SUMF1: variants seen among roughly 807,000 people sequenced by gnomAD.
The protein encoded by SUMF1 is sulfatase modifying factor 1, also known as formylglycine-generating enzyme.
Under a neutral mutation model 47.6 loss-of-function variants are expected in SUMF1, and 48 were observed. The observed-to-expected ratio is 1.01, with a 90% CI of 0.80 to 1.28. The LOEUF is 1.28. Ranked by LOEUF, SUMF1 falls within the 50% of genes most tolerant of loss-of-function variation. The pLI is 0.00. For synonymous variants in SUMF1, 230 were observed against 192.1 expected, an observed-to-expected ratio of 1.20 and a Z score of -1.63; for missense variants, 571 against 485.4, an observed-to-expected ratio of 1.18 and a Z score of -1.66.
At chr3:4,404,206 A>G (rs944994015) in intron 7 of SUMF1, among the ~76,000 whole-genome samples, 4 of 152,230 alleles carry the variant, frequency 2.6e-5, no homozygotes, top group African/African-American at 9.6e-5. Context: ...ATGAGTAAAC[A>G]TTAGTACTTC....
At position 4,452,897 on chromosome 3, in the gene SUMF1, G is replaced by C; in HGVS notation, c.423C>G (p.Asn141Lys). ...VSNTEFEKFV[N>K]STGYLTEAEK... ...TTACCTCTGTCAAATAGCCAGTTGAGTTCACAAACTTCTCAAATTCAGTAT... is the reference window on the plus strand; with the variant it reads ...TTACCTCTGTCAAATAGCCAGTTGACTTCACAAACTTCTCAAATTCAGTAT... Residue 141 changes from asparagine to lysine, a missense_variant, in exon 2 of 9, where the codon AAC becomes AAG. Coordinates refer to ENST00000272902, the MANE Select transcript of SUMF1 (RefSeq NM_182760.4). 2 of 1,614,166 alleles carry C rather than the reference G, an allele frequency of 1.2e-6. No homozygotes were observed. Among genetic ancestry groups the C allele is most frequent in the Non-Finnish European group, 1.7e-6 (2 of 1,180,042 alleles).
chr3:4,223,743 G>C (rs1334438157), intron 8 of SUMF1, among the ~76,000 whole-genome samples: 1 of 152,064 alleles, frequency 6.6e-6, no homozygotes, highest in Non-Finnish European at 1.5e-5. Flanking sequence ...ATTATGTGTT[G>C]GGAAGGTGGT....
chr3:4,347,692 G>A (rs955435818), intron 8 of SUMF1, among the ~76,000 whole-genome samples: 2 of 152,176 alleles, frequency 1.3e-5, no homozygotes, highest in Admixed American at 6.5e-5. Context: ...TGGCAATCAG[G>A]CAAGAGAAAG....
chr3:4,106,532 C>T (rs1033795621), intron 8 of SUMF1, among the ~76,000 whole-genome samples: 4 of 152,036 alleles, frequency 2.6e-5, no homozygotes, highest in Non-Finnish European at 5.9e-5. Context: ...ATAGGAAATT[C>T]CAACTGTTTG....
intron 8 of SUMF1, among the ~76,000 whole-genome samples, chr3:4,201,178 C>A (rs535238212): frequency 2.6e-5 from 4 of 151,922 alleles, no homozygotes; most frequent in Non-Finnish European, 5.9e-5. Context: ...CTAAAATGTA[C>A]AACAAACTGC....
At chr3:4,107,970 G>C (rs1203993067) in intron 8 of SUMF1, among the ~76,000 whole-genome samples, 2 of 151,986 alleles carry the variant, frequency 1.3e-5, no homozygotes, top group African/African-American at 4.8e-5. Flanking sequence ...GAGATAAGGA[G>C]GTCAGGAAAG....
intron 8 of SUMF1, among the ~76,000 whole-genome samples, chr3:4,070,074 T>G (rs1471121933): frequency 2.6e-5 from 4 of 152,142 alleles, no homozygotes; most frequent in Non-Finnish European, 5.9e-5. Context: ...GAACATTCCT[T>G]TCCATTGATC....
intron 8 of SUMF1, among the ~76,000 whole-genome samples, chr3:4,086,774 A>G (rs1559459102): frequency 6.6e-6 from 1 of 152,058 alleles, no homozygotes; most frequent in African/African-American, 2.4e-5. Flanking sequence ...GGTTTCCCCC[A>G]TACTGTTCTC....
chr3:4,222,710 A>G (rs2125176203), intron 8 of SUMF1, among the ~76,000 whole-genome samples: 1 of 152,276 alleles, frequency 6.6e-6, no homozygotes, highest in Middle Eastern at 3.4e-3. Flanking sequence ...GTGAAAAGTG[A>G]AACCAGCAGA....
intron 8 of SUMF1, among the ~76,000 whole-genome samples, chr3:4,153,196 C>A (rs977083328): frequency 6.6e-6 from 1 of 151,374 alleles, no homozygotes; most frequent in Non-Finnish European, 1.5e-5. Context: ...TATATTTGAT[C>A]AATTACTTGA....
At chr3:4,161,539 C>A (rs914823098) in intron 8 of SUMF1, among the ~76,000 whole-genome samples, 1 of 152,112 alleles carries the variant, frequency 6.6e-6, no homozygotes, top group Non-Finnish European at 1.5e-5. Flanking sequence ...ACTTTCCCTC[C>A]CCTTTCCATG....
chr3:4,182,191 G>T (rs558059753), intron 8 of SUMF1, among the ~76,000 whole-genome samples: 42 of 152,070 alleles, frequency 2.8e-4, no homozygotes, highest in Non-Finnish European at 5.4e-4. Context: ...CAGGGTATGG[G>T]TAAGCATGGG....
At chr3:4,157,996 G>T (rs1694493098) in intron 8 of SUMF1, among the ~76,000 whole-genome samples, 1 of 151,490 alleles carries the variant, frequency 6.6e-6, no homozygotes, top group Non-Finnish European at 1.5e-5. Flanking sequence ...TCACAGAAAA[G>T]CATTTATTTC....
chr3:4,137,581 C>G (rs1693968858), intron 8 of SUMF1, among the ~76,000 whole-genome samples: 1 of 152,112 alleles, frequency 6.6e-6, no homozygotes, highest in African/African-American at 2.4e-5. Flanking sequence ...GGTAACAAAC[C>G]TGCACGTTGT....
At chr3:4,301,435 A>G (rs769738915) in intron 8 of SUMF1, among the ~76,000 whole-genome samples, 3 of 152,212 alleles carry the variant, frequency 2.0e-5, no homozygotes, top group Non-Finnish European at 4.4e-5. Context: ...GCAAAATATA[A>G]TAACTGGACA....
At chr3:4,171,016 T>C (rs1694821857) in intron 8 of SUMF1, among the ~76,000 whole-genome samples, 2 of 152,220 alleles carry the variant, frequency 1.3e-5, no homozygotes. Flanking sequence ...TGCATTTGCA[T>C]CAGAAGAATA....
chr3:4,399,497 T>C (rs1210504453), intron 7 of SUMF1, among the ~76,000 whole-genome samples: 1 of 152,178 alleles, frequency 6.6e-6, no homozygotes, highest in Non-Finnish European at 1.5e-5. Flanking sequence ...TTGGAATATA[T>C]ATGTTTATTA....
intron 8 of SUMF1, among the ~76,000 whole-genome samples, chr3:4,263,832 T>C (rs1697135343): frequency 6.6e-6 from 1 of 152,190 alleles, no homozygotes; most frequent in Admixed American, 6.5e-5. Flanking sequence ...GGCAAGGCCA[T>C]TTCTACATAT....
At chr3:4,151,459 G>GTATATATGTATATATGTATACATGTGTA (rs1694327758) in intron 8 of SUMF1, among the ~76,000 whole-genome samples, 1 of 141,220 alleles carries the variant, frequency 7.1e-6, no homozygotes, top group Non-Finnish European at 1.5e-5. Context: ...GTATACATGT[G>GTATATATGTATATATGTATACATGTGTA]TATATATGTA....
Sources: allele counts gnomAD v4.1 joint callset (sites outside exome capture counted in the v4.1 genomes callset), GRCh38; gene constraint gnomAD v4.1.1; transcripts MANE v1.5; gene names NCBI Gene and HGNC (gene_info 2026-07-23, HGNC 2026-07-21).